The following LRTM1 variants were observed in gnomAD, a reference collection of about 807,000 sequenced individuals.
LRTM1 encodes leucine rich repeat transmembrane protein 1, also known as leucine-rich repeat and transmembrane domain-containing protein 1.
A neutral mutation model predicts 32.4 loss-of-function variants in LRTM1; 38 were observed. The observed-to-expected ratio is 1.17, with a 90% confidence interval of 0.91 to 1.54. The LOEUF is 1.54. LRTM1 is among the 40% of genes most tolerant of loss of function. The pLI is 0.00. For synonymous variants in LRTM1, 186 were observed against 169.9 expected (o/e 1.09, Z -0.74); for missense variants, 466 against 415.4 (o/e 1.12, Z -1.06).
chr3:54,956,094 A>G (rs1212443551), intron 1 of LRTM1, among the ~76,000 whole-genome samples: 2 of 151,962 alleles, frequency 1.3e-5, no homozygotes, highest in Non-Finnish European at 2.9e-5. Flanking sequence ...CCTCCTCATA[A>G]TCACCTCATG....
intron 1 of LRTM1, among the ~76,000 whole-genome samples, chr3:54,941,431 A>G (rs541665467): frequency 6.6e-6 from 1 of 152,276 alleles, no homozygotes; most frequent in South Asian, 2.1e-4. Context: ...TTTTCAAACT[A>G]CTTATTGGCC....
intron 1 of LRTM1, among the ~76,000 whole-genome samples, chr3:54,958,828 G>A (rs1429112392): frequency 6.6e-6 from 1 of 152,132 alleles, no homozygotes; most frequent in East Asian, 1.9e-4. Context: ...TATCTGCCTG[G>A]CATGGTGGCT....
intron 2 of LRTM1, among the ~76,000 whole-genome samples, chr3:54,920,635 G>C (rs1329376186): frequency 1.3e-5 from 2 of 152,132 alleles, no homozygotes; most frequent in African/African-American, 4.8e-5. Context: ...CTGACCATAG[G>C]AGCCTCTGCC....
At chr3:54,949,014 T>C (rs1170684472) in intron 1 of LRTM1, among the ~76,000 whole-genome samples, 1 of 152,192 alleles carries the variant, frequency 6.6e-6, no homozygotes, top group African/African-American at 2.4e-5. Context: ...TCACCAAGTT[T>C]CTCAGTCTCT....
At chr3:54,946,781 G>A (rs79764196) in intron 1 of LRTM1, among the ~76,000 whole-genome samples, 2,604 of 151,418 alleles carry the variant, frequency 0.017, 70 homozygotes, top group African/African-American at 0.057. Flanking sequence ...GAAATGAAAG[G>A]TAAGACATAC....
chr3:54,935,449 C>G (rs1053833047), intron 1 of LRTM1, among the ~76,000 whole-genome samples: 1 of 152,192 alleles, frequency 6.6e-6, no homozygotes, highest in Non-Finnish European at 1.5e-5. Flanking sequence ...TGCTAGTTGA[C>G]ATAAAGTTAA....
intron 1 of LRTM1, among the ~76,000 whole-genome samples, chr3:54,960,247 G>A (rs1390382184): frequency 1.3e-5 from 2 of 152,138 alleles, no homozygotes; most frequent in South Asian, 2.1e-4. Flanking sequence ...TGTCAATGGT[G>A]TGATAATGTG....
At position 54,918,581 on chromosome 3, in the gene LRTM1, C is replaced by T; in HGVS notation, c.916G>A (p.Ala306Thr). 1 of 1,614,116 alleles carries T rather than the reference C, an allele frequency of 6.2e-7. No individual in the cohort carries two copies. The highest frequency in any genetic ancestry group is 8.5e-7 in the Non-Finnish European group (1 of 1,179,996). Reference sequence around the variant, plus strand: ...GCATAGGTGCAGCCATAGATGGCAGCTGCCAACATCATGAGACACACAATC... The same window carrying T: ...GCATAGGTGCAGCCATAGATGGCAGTTGCCAACATCATGAGACACACAATC... ...CGIVCLMMLA[A>T]AIYGCTYAAI... Residue 306 changes from alanine to threonine, a missense_variant, in exon 3 of 3, where the codon GCT becomes ACT. Ala to Thr is a moderately conservative substitution (Grantham distance 58). Transcript: ENST00000273286.
intron 1 of LRTM1, among the ~76,000 whole-genome samples, chr3:54,933,812 A>G (rs1327623831): frequency 6.7e-6 from 1 of 150,072 alleles, no homozygotes; most frequent in East Asian, 2.0e-4. Flanking sequence ...AGGCCACTGC[A>G]GGCTAGAGTG....
chr3:54,949,679 G>A (rs1042670982), intron 1 of LRTM1, among the ~76,000 whole-genome samples: 3 of 152,158 alleles, frequency 2.0e-5, no homozygotes, highest in Non-Finnish European at 2.9e-5. Context: ...CTGAAAAACC[G>A]CCCAACATCG....
chr3:54,959,155 T>G (rs918880884), intron 1 of LRTM1, among the ~76,000 whole-genome samples: 1 of 152,208 alleles, frequency 6.6e-6, no homozygotes, highest in African/African-American at 2.4e-5. Flanking sequence ...GTTTTTCAAA[T>G]GAACTGTCTG....
upstream of LRTM1, among the ~76,000 whole-genome samples, chr3:54,930,049 A>G (rs893657225): frequency 2.0e-5 from 3 of 152,208 alleles, no homozygotes; most frequent in Non-Finnish European, 2.9e-5. Context: ...CATTGCAATT[A>G]TTGGACTCTG....
In LRTM1 at chr3:54,944,395, G is replaced by A. The variant is rs558481540; in HGVS notation, c.-221-19180C>T. ...GACTGTTTTATTTTAAATTTCCCAG[G>A]GTATTTATTTATTTATTTATTTATT... On this transcript the variant is annotated intron_variant, in intron 1 of 2. Transcript: ENST00000493075. Among the ~76,000 whole-genome samples, 141 of 145,962 alleles carry A rather than the reference G, an allele frequency of 9.7e-4. No individual in the cohort carries two copies. The Middle Eastern group carries it at 0.011, about 11-fold the overall frequency.
chr3:54,939,789 A>G (rs998922312), intron 1 of LRTM1, among the ~76,000 whole-genome samples: 4 of 152,340 alleles, frequency 2.6e-5, no homozygotes, highest in South Asian at 2.1e-4. Flanking sequence ...CGGGAGAAGC[A>G]TGGCATTTTG....
At chr3:54,952,092 C>T (rs916301355) in intron 1 of LRTM1, among the ~76,000 whole-genome samples, 6 of 152,146 alleles carry the variant, frequency 3.9e-5, no homozygotes, top group South Asian at 2.1e-4. Context: ...AAGATCTGCC[C>T]GCCTCAGCCT....
intron 1 of LRTM1, among the ~76,000 whole-genome samples, chr3:54,943,725 A>C (rs1312708483): frequency 1.3e-5 from 2 of 151,250 alleles, no homozygotes; most frequent in Admixed American, 1.3e-4. Flanking sequence ...TGCCTATTTC[A>C]TCTTGCTTTG....
upstream of LRTM1, among the ~76,000 whole-genome samples, chr3:54,932,072 C>T (rs1701203510): frequency 6.6e-6 from 1 of 152,052 alleles, no homozygotes; most frequent in South Asian, 2.1e-4. Flanking sequence ...GTCTGAGCTA[C>T]TCGGGAGGCT....
chr3:54,948,564 T>C (rs1701674485), intron 1 of LRTM1, among the ~76,000 whole-genome samples: 1 of 152,166 alleles, frequency 6.6e-6, no homozygotes, highest in African/African-American at 2.4e-5. Context: ...TCGGTACAAC[T>C]GGATGATGGT....
At chr3:54,941,521 G>A (rs1028915384) in intron 1 of LRTM1, among the ~76,000 whole-genome samples, 1 of 152,094 alleles carries the variant, frequency 6.6e-6, no homozygotes, top group African/African-American at 2.4e-5. Flanking sequence ...ATAATGCCGG[G>A]ATTATGTGGG....
Sources: gnomAD v4.1 joint callset for allele counts (sites outside exome capture counted in the v4.1 genomes callset) on GRCh38, gnomAD v4.1.1 for gene constraint, MANE v1.5 for transcripts, NCBI Gene and HGNC (gene_info 2026-07-23, HGNC 2026-07-21) for gene names.